Variants in SLC9A3 observed in about 807,000 individuals in gnomAD.
The protein encoded by SLC9A3 is solute carrier family 9 member A3.
In SLC9A3, 37 loss-of-function variants were observed where a neutral mutation model predicts 86.8. The observed-to-expected ratio is 0.43, with a 90% CI of 0.33 to 0.56. The LOEUF is 0.56. Among genes scored for constraint, SLC9A3 ranks in the 20% least tolerant of loss-of-function variants. The pLI is 0.06. For missense variants in SLC9A3, 1,011 were observed against 1,171.9 expected, an observed-to-expected ratio of 0.86 and a Z score of 2.00; for synonymous variants, 581 against 528.3, an observed-to-expected ratio of 1.10 and a Z score of -1.37.
Position 494,201 on chromosome 5 carries a change from G to A in SLC9A3, c.212-2130C>T, listed in dbSNP as rs761734332. Among the ~76,000 whole-genome samples the A allele has an allele frequency of 1.2e-4, 19 of 152,340 alleles. No homozygotes were observed. The Middle Eastern group carries it at 0.014, about 109-fold the overall frequency. On this transcript the variant is annotated intron_variant, in intron 1 of 16. Coordinates refer to ENST00000264938, the MANE Select transcript of SLC9A3 (RefSeq NM_004174.4). ...GTGAGAAGTCCTGGGACCCTAACGC[G>A]TGCCCCGACAGCCCCGTCCTCAGCA... is the stretch of plus-strand genomic sequence containing the variant.
chr5:473,473 GC>G, intron 16 of SLC9A3, 91 bp from the exon 17 acceptor site: 1 of 1,124,734 alleles, frequency 8.9e-7, no homozygotes, highest in Non-Finnish European at 1.1e-6. Context: ...CCCGAGCCCG[GC>G]GGCTCTCGCC....
Position 471,409 on chromosome 5 carries a change from C to T in SLC9A3, c.*1970G>A, listed in dbSNP as rs1395935365. 3 of 314,082 alleles carry T rather than the reference C, an allele frequency of 9.6e-6. No individual in the cohort carries two copies. The Admixed American group carries it at 1.4e-4, about 15-fold the overall frequency. 19.5% of individuals were successfully genotyped at this position (314,082 alleles called of 1,614,324 possible). On this transcript the variant is annotated 3_prime_UTR_variant, in exon 17 of 17. Transcript: ENST00000264938. ...CGGTGGACCGCACGACGCTCCTGCT[C>T]TGTTCTCCCAGGCACAGACAGGCAC... is the stretch of plus-strand genomic sequence containing the variant.
rs1317002115 is a variant in SLC9A3 at position 472,850 on chromosome 5, A to G, written c.*529T>C. Reference sequence around the variant, plus strand: ...GCGGGGCTCGGTTGGGGGGGCCCGGAACCTTGGGCTGGTTTCACGCAAATC... The same window carrying G: ...GCGGGGCTCGGTTGGGGGGGCCCGGGACCTTGGGCTGGTTTCACGCAAATC... On this transcript the variant is annotated 3_prime_UTR_variant, in exon 17 of 17. Transcript: ENST00000264938. 3 of 514,984 alleles carry G rather than the reference A, an allele frequency of 5.8e-6. No individual in the cohort carries two copies. Among genetic ancestry groups the G allele is most frequent in the Admixed American group, 2.6e-5 (1 of 38,336 alleles). 31.9% of individuals were successfully genotyped at this position (514,984 alleles called of 1,614,324 possible).
At position 521,832 on chromosome 5, in the gene SLC9A3, G is replaced by A. The variant is rs1195262866; in HGVS notation, c.211+2280C>T. On this transcript the variant is annotated intron_variant, in intron 1 of 16. Coordinates refer to ENST00000264938, the MANE Select transcript of SLC9A3 (RefSeq NM_004174.4). ...ACAAGGAGGACGGTCTGGGCCAGTG[G>A]AATCTGAGAAGTCCAGAGTTCACAG... is the stretch of plus-strand genomic sequence containing the variant. Among the ~76,000 whole-genome samples the A allele has an allele frequency of 2.6e-5, 4 of 152,294 alleles. No individual in the cohort carries two copies. In the South Asian group the frequency reaches 6.2e-4, roughly 24 times the overall value.
chr5:501,537 C>T (rs2126640118), intron 1 of SLC9A3, among the ~76,000 whole-genome samples: 1 of 152,240 alleles, frequency 6.6e-6, no homozygotes, highest in Admixed American at 6.5e-5. Flanking sequence ...CAGACACATG[C>T]AGGAACACGT....
chr5:480,039 C>G lies in SLC9A3; in HGVS notation c.1518-74G>C, dbSNP rs535304229. 6 of 1,530,444 alleles carry G rather than the reference C, an allele frequency of 3.9e-6. No homozygotes were observed. In the South Asian group the frequency reaches 7.2e-5, roughly 18 times the overall value. 94.8% of individuals were successfully genotyped at this position (1,530,444 alleles called of 1,614,324 possible). On this transcript the variant is annotated intron_variant, in intron 9 of 16. Transcript: ENST00000264938. ...AGCCCGCCGGACGCGTGGCCCGGCC[C>G]CTTCTCTCCTGAATTTTGTTTGCTA... is the stretch of plus-strand genomic sequence containing the variant.
Position 485,369 on chromosome 5 carries a change from C to A in SLC9A3, c.676-138G>T, listed in dbSNP as rs974382051. On this transcript the variant is annotated intron_variant, in intron 3 of 16. Transcript: ENST00000264938. ...CGTTGGAAGGAAAATCATCACAGGG[C>A]AATGGCCCCCAAAGGGGAGAAGCCC... 6 of 708,834 alleles carry A rather than the reference C, an allele frequency of 8.5e-6. No individual in the cohort carries two copies. In the African/African-American group the frequency reaches 8.7e-5, roughly 10 times the overall value. The allele number at this position is 708,834 out of a possible 1,614,324, so 43.9% of individuals were successfully genotyped here. A position where few individuals can be genotyped will look rare whatever the true frequency, so the allele number is the denominator to read the frequency against.
In SLC9A3 at chr5:471,580, C is replaced by A. The variant is rs1233441209; in HGVS notation, c.*1799G>T. 4 of 357,276 alleles carry A rather than the reference C, an allele frequency of 1.1e-5. No individual in the cohort carries two copies. The highest frequency in any genetic ancestry group is 2.2e-5 in the Non-Finnish European group (4 of 181,074). The allele number at this position is 357,276 out of a possible 1,614,324, so 22.1% of individuals were successfully genotyped here. A position where few individuals can be genotyped will look rare whatever the true frequency, so the allele number is the denominator to read the frequency against. On this transcript the variant is annotated 3_prime_UTR_variant, in exon 17 of 17. Transcript: ENST00000264938. Reference sequence around the variant, plus strand: ...ATGAACGTCAGGACGGTGGCTGCAGCAGGGAACCAGGGCTGGCCTTGGATC... The same window carrying A: ...ATGAACGTCAGGACGGTGGCTGCAGAAGGGAACCAGGGCTGGCCTTGGATC...
intron 1 of SLC9A3, among the ~76,000 whole-genome samples, chr5:522,526 G>A (rs1288501223): frequency 5.3e-5 from 8 of 152,160 alleles, no homozygotes; most frequent in African/African-American, 1.7e-4. Flanking sequence ...TTGGGAGGCC[G>A]AGGCGGGTGG....
intron 1 of SLC9A3, among the ~76,000 whole-genome samples, chr5:494,995 G>C (rs1426330417): frequency 6.6e-6 from 1 of 152,134 alleles, no homozygotes; most frequent in Non-Finnish European, 1.5e-5. Flanking sequence ...AGCGCTTGTG[G>C]AGCAGCCAGC....
intron 1 of SLC9A3, among the ~76,000 whole-genome samples, chr5:518,208 T>C (rs67396942): frequency 0.09 from 13,731 of 152,054 alleles, 699 homozygotes; most frequent in African/African-American, 0.13. Flanking sequence ...GGCTCCGAGC[T>C]CAGGAAAGGT....
Position 483,357 on chromosome 5 carries a change from A to G in SLC9A3, c.1058T>C (p.Phe353Ser). 1 of 1,570,506 alleles carries G rather than the reference A, an allele frequency of 6.4e-7. No individual in the cohort carries two copies. The highest frequency in any genetic ancestry group is 1.2e-5 in the South Asian group (1 of 85,512). Residue 353 changes from phenylalanine to serine, a missense_variant, in exon 6 of 17, where the codon TTC (phenylalanine) becomes TCC (serine). Transcript: ENST00000264938. ...ASSAETIIFM[F>S]LGISAVNPFI... is the part of the protein sequence containing the mutation. ...CGGGTTCACGGCCGAGATACCCAGG[A>G]ACATGAAGATGATGGTCTCGGCGCT... is the stretch of plus-strand genomic sequence containing the variant.
chr5:472,776 C>T lies in SLC9A3; in HGVS notation c.*603G>A, dbSNP rs960375880. 1 of 584,710 alleles carries T rather than the reference C, an allele frequency of 1.7e-6. No homozygotes were observed. The highest frequency in any genetic ancestry group is 1.9e-5 in the African/African-American group (1 of 52,904). 36.2% of individuals were successfully genotyped at this position (584,710 alleles called of 1,614,324 possible). On this transcript the variant is annotated 3_prime_UTR_variant, in exon 17 of 17. Transcript: ENST00000264938. ...AGCCGCTGCAGGTCGGGCCCTGAGT[C>T]CTGGCGCTCGGGAGGTCCCTGAGTC...
chr5:492,360 G>A (rs192169486), intron 1 of SLC9A3, among the ~76,000 whole-genome samples: 711 of 50,588 alleles, frequency 0.014, 19 homozygotes, highest in Admixed American at 0.023. Flanking sequence ...GCCCATGGGG[G>A]AGGGGAGGGA....
rs529260352 is a variant in SLC9A3 at position 481,555 on chromosome 5, A to G, written c.1517+10T>C. ...TGTGCGACACCGCCGGGGCCGTCCC[A>G]GCCACTTACTTGTCTCTGAGATAAT... On this transcript the variant is annotated intron_variant, in intron 9 of 16. Transcript: ENST00000264938. The G allele has an allele frequency of 1.9e-6, 3 of 1,611,442 alleles. No homozygotes were observed. The highest frequency in any genetic ancestry group is 1.7e-6 in the Non-Finnish European group (2 of 1,177,620).
At chr5:489,041 C>A (rs962862775) in intron 2 of SLC9A3, among the ~76,000 whole-genome samples, 1 of 152,212 alleles carries the variant, frequency 6.6e-6, no homozygotes, top group African/African-American at 2.4e-5. Context: ...TGCCTGTGGG[C>A]TCTGGTGCCC....
At chr5:492,586 C>A (rs1002308246) in intron 1 of SLC9A3, among the ~76,000 whole-genome samples, 1 of 151,978 alleles carries the variant, frequency 6.6e-6, no homozygotes, top group Non-Finnish European at 1.5e-5. Flanking sequence ...GCTGCTGGAG[C>A]CCCCAGAAGG....
intron 1 of SLC9A3, among the ~76,000 whole-genome samples, chr5:513,415 C>G (rs987923359): frequency 6.6e-6 from 1 of 152,152 alleles, no homozygotes; most frequent in African/African-American, 2.4e-5. Context: ...CATGGGAGCC[C>G]CCACCCCCTG....
In SLC9A3 at chr5:482,733, A is replaced by G; in HGVS notation, c.1171T>C (p.Trp391Arg). 1.2e-6 allele frequency: 2 copies of G among 1,606,506 alleles called. No homozygotes were observed. The highest frequency in any genetic ancestry group is 1.7e-6 in the Non-Finnish European group (2 of 1,177,184). Reference protein sequence around the residue: ...YRAIGVVLQTWLLNRYRMVQL... With the variant: ...YRAIGVVLQTRLLNRYRMVQL... ...ACCATGCGGTAGCGGTTCAGAAGCCAGGTCTGCAGGACCACACCTGCGGAT... is the reference window on the plus strand; with the variant it reads ...ACCATGCGGTAGCGGTTCAGAAGCCGGGTCTGCAGGACCACACCTGCGGAT... The change falls in exon 7 of 17, where the codon TGG (tryptophan) becomes CGG (arginine). Residue 391 changes from tryptophan to arginine, a missense_variant. By Grantham distance (101) the Trp-to-Arg change is moderately radical. Around this residue, in one of 3 missense-constraint regions of SLC9A3, gnomAD observed 565 missense variants for 790.0 expected, o/e 0.72. Coordinates refer to ENST00000264938, the MANE Select transcript of SLC9A3 (RefSeq NM_004174.4).
Sources: allele counts gnomAD v4.1 joint callset (sites outside exome capture counted in the v4.1 genomes callset), GRCh38; gene constraint gnomAD v4.1.1; regional missense constraint gnomAD v4.1.1; transcripts MANE v1.5; gene names NCBI Gene and HGNC (gene_info 2026-07-23, HGNC 2026-07-21).